BNC2: variants seen among roughly 807,000 people sequenced by gnomAD.
BNC2 encodes the protein basonuclin zinc finger protein 2, also known as zinc finger protein basonuclin-2.
BNC2 carries 20 observed loss-of-function variants against 76.3 expected under a neutral mutation model. The ratio of observed to expected loss-of-function variants is 0.26; its 90% CI spans 0.18 to 0.38. The LOEUF (loss-of-function observed/expected upper bound fraction) is 0.38. Ranked by LOEUF, BNC2 falls within the 10% of genes least tolerant of loss-of-function variation. The pLI is 1.00. For synonymous variants in BNC2, 582 were observed against 514.8 expected, an observed-to-expected ratio of 1.13 and a Z score of -1.77; for missense variants, 1,382 against 1,399.8, an observed-to-expected ratio of 0.99 and a Z score of 0.20.
At chr9:16,710,125 A>T (rs934934592) in intron 3 of BNC2, among the ~76,000 whole-genome samples, 1 of 32,598 alleles carries the variant, frequency 3.1e-5, no homozygotes, top group Non-Finnish European at 3.2e-4. Flanking sequence ...TCAACATTTA[A>T]AAAAAAAAAA....
intron 1 of BNC2, among the ~76,000 whole-genome samples, chr9:16,780,207 G>C (rs1826095994): frequency 7.8e-6 from 1 of 128,310 alleles, no homozygotes; most frequent in African/African-American, 2.9e-5. Context: ...CTGCACTCCA[G>C]CCTGGGTGAC....
At chr9:16,522,764 T>A (rs1266209734) in intron 5 of BNC2, among the ~76,000 whole-genome samples, 1 of 152,174 alleles carries the variant, frequency 6.6e-6, no homozygotes, top group East Asian at 1.9e-4. Flanking sequence ...CAGCTATTTT[T>A]TCCCCCTTCT....
chr9:16,741,084 A>G (rs74417210), intron 1 of BNC2, among the ~76,000 whole-genome samples: 4,800 of 152,296 alleles, frequency 0.032, 96 homozygotes, highest in Non-Finnish European at 0.052. Flanking sequence ...TCATCTGAGG[A>G]AAGTTAAAGA....
chr9:16,659,653 C>T lies in BNC2; in HGVS notation c.330+68144G>A, dbSNP rs1168018286. Among the ~76,000 whole-genome samples the T allele has an allele frequency of 2.0e-5, 3 of 151,210 alleles. No individual in the cohort carries two copies. The South Asian group carries it at 6.3e-4, about 32-fold the overall frequency. On this transcript the variant is annotated intron_variant, in intron 3 of 6. Transcript: ENST00000380672. Reference sequence around the variant, plus strand: ...ACCAAGCTTGTTTCTGCATCAGGGTCTTTGTCATTGTTGTTCTCTCTGCTA... The same window carrying T: ...ACCAAGCTTGTTTCTGCATCAGGGTTTTTGTCATTGTTGTTCTCTCTGCTA...
intron 5 of BNC2, chr9:16,476,150 C>G (rs914036354): frequency 1.3e-5 from 2 of 152,150 alleles, no homozygotes; most frequent in Non-Finnish European, 2.9e-5. Context: ...GCCACTGACG[C>G]CATTCCTAGT....
At chr9:16,477,660 T>C (rs112971690) in intron 5 of BNC2, among the ~76,000 whole-genome samples, 4 of 152,306 alleles carry the variant, frequency 2.6e-5, no homozygotes, top group African/African-American at 9.6e-5. Context: ...AAAATATTCA[T>C]GGGGAAACAT....
At position 16,807,009 on chromosome 9, in the gene BNC2, CT is replaced by C. The variant is rs35272268; in HGVS notation, c.3+63636del. ...GATAAGAAATAGTCTACTTTCTTCT[CT>C]TTTTTTCAGGTTAGACCCAATGTAA... On this transcript the variant is annotated intron_variant, in intron 1 of 6. Coordinates refer to ENST00000380672, the MANE Select transcript of BNC2 (RefSeq NM_017637.6). Among the ~76,000 whole-genome samples, 271 of 152,138 alleles carry C rather than the reference CT, an allele frequency of 1.8e-3. 3 individuals carry two copies. Among genetic ancestry groups the C allele is most frequent in the Non-Finnish European group, 2.8e-3 (190 of 67,994 alleles).
At chr9:16,643,593 T>C (rs1821548178) in intron 3 of BNC2, among the ~76,000 whole-genome samples, 1 of 152,134 alleles carries the variant, frequency 6.6e-6, no homozygotes, top group Non-Finnish European at 1.5e-5. Flanking sequence ...CCATATATGA[T>C]CTTAGGTCCC....
intron 4 of BNC2, among the ~76,000 whole-genome samples, chr9:16,578,041 A>T (rs12340504): frequency 0.11 from 16,255 of 151,878 alleles, 1,289 homozygotes; most frequent in African/African-American, 0.22. Context: ...TTAAAAAAAA[A>T]TTTTTTTTTG....
chr9:16,498,176 TATATATATTCCATC>T (rs1236494845), intron 5 of BNC2, among the ~76,000 whole-genome samples: 5 of 126,978 alleles, frequency 3.9e-5, no homozygotes, highest in African/African-American at 1.4e-4. Context: ...TATTCTATCA[TATATATATTCCATC>T]ATATATATAT....
At chr9:16,508,278 C>T (rs1006207101) in intron 5 of BNC2, among the ~76,000 whole-genome samples, 1 of 152,214 alleles carries the variant, frequency 6.6e-6, no homozygotes, top group African/African-American at 2.4e-5. Context: ...TGGACTTGAT[C>T]ATCGCGGACA....
intron 3 of BNC2, among the ~76,000 whole-genome samples, chr9:16,671,501 T>A (rs1464203918): frequency 6.6e-6 from 1 of 152,128 alleles, no homozygotes; most frequent in East Asian, 1.9e-4. Flanking sequence ...TACCCCAACA[T>A]CAGCCTTTAC....
chr9:16,861,601 A>C (rs537128106), intron 1 of BNC2, among the ~76,000 whole-genome samples: 2 of 152,346 alleles, frequency 1.3e-5, no homozygotes, highest in East Asian at 3.9e-4. Context: ...AGGCAAATGC[A>C]AATCAAAACC....
At chr9:16,840,924 T>G (rs548810895) in intron 1 of BNC2, among the ~76,000 whole-genome samples, 1 of 152,190 alleles carries the variant, frequency 6.6e-6, no homozygotes, top group East Asian at 1.9e-4. Flanking sequence ...GTAGATAATA[T>G]TGTATCTAAC....
chr9:16,440,778 C>T (rs911832197), intron 5 of BNC2, among the ~76,000 whole-genome samples: 4 of 152,148 alleles, frequency 2.6e-5, no homozygotes, highest in Non-Finnish European at 5.9e-5. Flanking sequence ...GCTGTCTCTG[C>T]TAAAATGGAG....
intron 4 of BNC2, among the ~76,000 whole-genome samples, chr9:16,567,804 T>C (rs1819210366): frequency 6.6e-6 from 1 of 152,020 alleles, no homozygotes; most frequent in Non-Finnish European, 1.5e-5. Flanking sequence ...GTGGAGTCCA[T>C]CTAGCTGTTC....
intron 3 of BNC2, among the ~76,000 whole-genome samples, chr9:16,614,856 C>T (rs1314949520): frequency 6.6e-6 from 1 of 151,210 alleles, no homozygotes; most frequent in East Asian, 2.0e-4. Context: ...CTTGGGAAGT[C>T]GAGGTGGAAA....
intron 1 of BNC2, among the ~76,000 whole-genome samples, chr9:16,793,790 C>T (rs1458623019): frequency 6.7e-6 from 1 of 149,854 alleles, no homozygotes. Flanking sequence ...CTCAGCCTCC[C>T]GAGTAGCTGG....
rs140446724 is a variant in BNC2, at chr9:16,699,038, A to C, written c.330+28759T>G. ...CTTTAGATTCTACATTTTATAAAGC[A>C]CTGGGTTTTCCAGAAAGCTAAGATG... On this transcript the variant is annotated intron_variant, in intron 3 of 6. Coordinates refer to ENST00000380672, the MANE Select transcript of BNC2 (RefSeq NM_017637.6). 1,786 of 360,820 alleles carry C rather than the reference A, an allele frequency of 4.9e-3. 17 individuals carry two copies. Among genetic ancestry groups the C allele is most frequent in the African/African-American group, 0.035 (1,650 of 46,534 alleles). The allele number at this position is 360,820 out of a possible 1,614,324, so 22.4% of individuals were successfully genotyped here.
Sources: gnomAD v4.1 joint callset for allele counts (sites outside exome capture counted in the v4.1 genomes callset) on GRCh38, gnomAD v4.1.1 for gene constraint, MANE v1.5 for transcripts, NCBI Gene and HGNC (gene_info 2026-07-23, HGNC 2026-07-21) for gene names.